The following RANBP2 variants were observed in gnomAD, a reference collection of about 807,000 sequenced individuals.
RANBP2 encodes the protein E3 SUMO-protein ligase RanBP2.
RANBP2 carries 57 observed loss-of-function variants against 303.6 expected under a neutral mutation model. That is an observed-to-expected ratio of 0.19 (90% CI 0.15 to 0.23). The LOEUF (loss-of-function observed/expected upper bound fraction) is 0.23. Among genes scored for constraint, RANBP2 ranks in the 10% least tolerant of loss-of-function variants. The pLI is 1.00. For synonymous variants in RANBP2, 1,167 were observed against 1,301.5 expected (o/e 0.90, Z 2.23); for missense variants, 3,138 against 3,780.8 (o/e 0.83, Z 4.46).
the RANBP2 span, among the ~76,000 whole-genome samples, chr2:109,153,289 A>T: frequency 6.6e-6 from 1 of 152,226 alleles, no homozygotes; most frequent in African/African-American, 2.4e-5. Context: ...TTAAGCTGTC[A>T]CTGGAAACCC....
the RANBP2 span, among the ~76,000 whole-genome samples, chr2:109,456,941 C>T: frequency 6.6e-6 from 1 of 152,326 alleles, no homozygotes; most frequent in South Asian, 2.1e-4. Flanking sequence ...ACAGTCATCT[C>T]AACAGCGAGT....
At chr2:109,304,382 C>T in the RANBP2 span, among the ~76,000 whole-genome samples, 4 of 152,202 alleles carry the variant, frequency 2.6e-5, no homozygotes, top group East Asian at 7.7e-4. Flanking sequence ...AACATAATGT[C>T]CTCCAAGTTC....
chr2:109,088,593 A>G, the RANBP2 span, among the ~76,000 whole-genome samples: 2 of 151,880 alleles, frequency 1.3e-5, no homozygotes, highest in African/African-American at 2.4e-5. Context: ...GCTCACTGCA[A>G]TCTCCGGGGT....
At chr2:109,525,880 A>G in the RANBP2 span, among the ~76,000 whole-genome samples, 1 of 152,110 alleles carries the variant, frequency 6.6e-6, no homozygotes, top group East Asian at 1.9e-4. Flanking sequence ...TACCATTGTC[A>G]TTGGAAGCAG....
chr2:109,010,887 C>T, the RANBP2 span, among the ~76,000 whole-genome samples: 1 of 152,240 alleles, frequency 6.6e-6, no homozygotes, highest in Non-Finnish European at 1.5e-5. Flanking sequence ...AGAGGCCCGG[C>T]TGCTACAGGT....
the RANBP2 span, among the ~76,000 whole-genome samples, chr2:109,097,425 AAAAC>A: frequency 3.5e-4 from 54 of 152,294 alleles, no homozygotes; most frequent in Middle Eastern, 3.4e-3. Flanking sequence ...GTCCTGCAAA[AAAAC>A]AAACAAACAA....
chr2:109,251,459 T>C, the RANBP2 span: 2 of 729,312 alleles, frequency 2.7e-6, no homozygotes, highest in Admixed American at 1.7e-5. Flanking sequence ...AAAAAATCTA[T>C]GGACAAGAAG....
At chr2:108,788,941 T>C, downstream of RANBP2, 1 of 1,614,118 alleles carries the variant, frequency 6.2e-7, no homozygotes, top group Non-Finnish European at 8.5e-7. Context: ...ATTGGGCAGC[T>C]TATTCAAGCA....
At chr2:109,210,712 C>T in the RANBP2 span, among the ~76,000 whole-genome samples, 79 of 152,224 alleles carry the variant, frequency 5.2e-4, no homozygotes, top group Non-Finnish European at 9.3e-4. Context: ...GTTTTCCTCC[C>T]GGGGTTCTCT....
the RANBP2 span, among the ~76,000 whole-genome samples, chr2:109,003,407 T>C: frequency 5.3e-5 from 8 of 151,868 alleles, no homozygotes; most frequent in African/African-American, 1.9e-4. Flanking sequence ...CCTTTTAATT[T>C]TTTTTCTTCT....
At chr2:109,490,948 G>A in the RANBP2 span, 2 of 1,469,216 alleles carry the variant, frequency 1.4e-6, no homozygotes, top group Non-Finnish European at 1.8e-6. Context: ...TAAGTGCAGG[G>A]GCTTGTCTGC....
chr2:109,270,955 G>A, the RANBP2 span, among the ~76,000 whole-genome samples: 1 of 152,206 alleles, frequency 6.6e-6, no homozygotes, highest in Admixed American at 6.5e-5. Flanking sequence ...AGTGGGTTCT[G>A]CTTCTGAATT....
chr2:109,121,441 C>G, the RANBP2 span, among the ~76,000 whole-genome samples: 1 of 152,172 alleles, frequency 6.6e-6, no homozygotes, highest in Admixed American at 6.5e-5. Context: ...AAAATACCTG[C>G]AATTAACTGC....
the RANBP2 span, among the ~76,000 whole-genome samples, chr2:109,393,793 A>C: frequency 6.6e-6 from 1 of 152,014 alleles, no homozygotes; most frequent in East Asian, 1.9e-4. Flanking sequence ...TTTCTTTTGA[A>C]GCTGGGCACC....
At chr2:108,930,964 C>T in the RANBP2 span, 3 of 1,613,900 alleles carry the variant, frequency 1.9e-6, no homozygotes, top group Admixed American at 1.7e-5. Context: ...GACCACTTAC[C>T]ACCAGGACGG....
At position 108,783,997 on chromosome 2, in the gene RANBP2, G is replaced by A. The variant is rs1021873665; in HGVS notation, c.*96G>A. 5.0e-6 allele frequency: 6 copies of A among 1,194,612 alleles called. No homozygotes were observed. The African/African-American group carries it at 9.2e-5, about 18-fold the overall frequency. 74.0% of individuals were successfully genotyped at this position (1,194,612 alleles called of 1,614,324 possible). On this transcript the variant is annotated 3_prime_UTR_variant, in exon 29 of 29. Coordinates refer to ENST00000283195, the MANE Select transcript of RANBP2 (RefSeq NM_006267.5). ...TAGTTATGTTCAGCTTTTGAAAATGGACGTTTCCGATTTACAAATGTAAAA... is the reference window on the plus strand; with the variant it reads ...TAGTTATGTTCAGCTTTTGAAAATGAACGTTTCCGATTTACAAATGTAAAA...
At chr2:108,804,070 T>A in the RANBP2 span, among the ~76,000 whole-genome samples, 1 of 152,178 alleles carries the variant, frequency 6.6e-6, no homozygotes, top group Non-Finnish European at 1.5e-5. Flanking sequence ...ATTTTTGTCT[T>A]ATTCTTGATT....
chr2:109,592,428 G>A, the RANBP2 span, among the ~76,000 whole-genome samples: 6 of 150,312 alleles, frequency 4.0e-5, no homozygotes, highest in East Asian at 6.0e-4. Flanking sequence ...TTGCACCATC[G>A]CATTCCAGCC....
the RANBP2 span, among the ~76,000 whole-genome samples, chr2:109,298,513 C>T: frequency 6.6e-6 from 1 of 152,098 alleles, no homozygotes; most frequent in African/African-American, 2.4e-5. Flanking sequence ...TCACTTTGCT[C>T]CAGGTGGTGA....
Sources: gnomAD v4.1 joint callset for allele counts (sites outside exome capture counted in the v4.1 genomes callset) on GRCh38, gnomAD v4.1.1 for gene constraint, MANE v1.5 for transcripts, NCBI Gene and HGNC (gene_info 2026-07-23, HGNC 2026-07-21) for gene names.